The following CCDC144A variants were observed in gnomAD, a reference collection of about 807,000 sequenced individuals.
CCDC144A encodes coiled-coil domain containing 144A, also known as coiled-coil domain-containing protein 144A.
CCDC144A carries 41 observed loss-of-function variants against 143.8 expected under a neutral mutation model. The ratio of observed to expected loss-of-function variants is 0.29; its 90% CI spans 0.22 to 0.37. CCDC144A has a LOEUF of 0.37. Ranked by LOEUF, CCDC144A falls within the 10% of genes least tolerant of loss-of-function variation. CCDC144A has a pLI of 1.00. For missense variants in CCDC144A, 637 were observed against 1,488.8 expected (o/e 0.43, Z 9.41); for synonymous variants, 242 against 517.9 (o/e 0.47, Z 7.23).
chr17:16,679,402 A>G, the CCDC144A span, among the ~76,000 whole-genome samples: 1 of 152,088 alleles, frequency 6.6e-6, no homozygotes, highest in African/African-American at 2.4e-5. Context: ...ACAATTGTAT[A>G]TGTTATAAAG....
chr17:16,724,787 A>AT lies in CCDC144A; in HGVS notation c.1892-2704dup, dbSNP rs760344292. Among the ~76,000 whole-genome samples the AT allele has an allele frequency of 5.1e-4, 18 of 35,108 alleles. 2 individuals are homozygous for AT. The highest frequency in any genetic ancestry group is 2.9e-3 in the East Asian group (3 of 1,042). The allele number at this position is 35,108 out of a possible 152,430, so 23.0% of individuals were successfully genotyped here. ...AGATTACACGTTCTTGATTAACTGA[A>AT]TTTTTTTTTTTTTTTTTTTTTTTTT... On this transcript the variant is annotated intron_variant, in intron 8 of 16. Transcript: ENST00000399273.
At chr17:16,762,233 T>A (rs1915406748) in intron 13 of CCDC144A, 80 bp from the exon 14 acceptor site, 1 of 1,524,074 alleles carries the variant, frequency 6.6e-7, no homozygotes. Context: ...AGTCACTGAC[T>A]CCAAACAAAA....
intron 15 of CCDC144A, among the ~76,000 whole-genome samples, chr17:16,769,518 T>C (rs1306693197): frequency 6.6e-6 from 1 of 152,232 alleles, no homozygotes; most frequent in African/African-American, 2.4e-5. Flanking sequence ...CATGGATAAT[T>C]GACTTGATTG....
At chr17:16,685,429 GAGT>G (rs1385179696), upstream of CCDC144A, among the ~76,000 whole-genome samples, 2 of 152,070 alleles carry the variant, frequency 1.3e-5, no homozygotes, top group Non-Finnish European at 2.9e-5. Flanking sequence ...ACCCAGACTG[GAGT>G]GCAAATGGCG....
At chr17:16,673,866 A>G in the CCDC144A span, among the ~76,000 whole-genome samples, 1 of 152,128 alleles carries the variant, frequency 6.6e-6, no homozygotes, top group Non-Finnish European at 1.5e-5. Flanking sequence ...TTAAACAGAA[A>G]TGTATCTAAC....
Position 16,755,009 on chromosome 17 carries a change from T to C in CCDC144A, c.3373-6416T>C, listed in dbSNP as rs557997939. Among the ~76,000 whole-genome samples the C allele has an allele frequency of 9.2e-5, 14 of 152,292 alleles. No homozygotes were observed. The East Asian group carries it at 2.7e-3, about 29-fold the overall frequency. On this transcript the variant is annotated intron_variant, in intron 12 of 16. Transcript: ENST00000399273. Reference sequence around the variant, plus strand: ...TCTCTTTCTCTTTTATTTTATTTTATTTTTTTTACTTAAGATCTATTTTGT... The same window carrying C: ...TCTCTTTCTCTTTTATTTTATTTTACTTTTTTTACTTAAGATCTATTTTGT...
intron 2 of CCDC144A, among the ~76,000 whole-genome samples, chr17:16,699,425 G>A (rs1911594271): frequency 6.9e-6 from 1 of 143,930 alleles, no homozygotes; most frequent in Non-Finnish European, 1.5e-5. Context: ...ACCCAGGCGG[G>A]ACTGCAGTGG....
At chr17:16,675,517 A>G in the CCDC144A span, among the ~76,000 whole-genome samples, 2 of 151,864 alleles carry the variant, frequency 1.3e-5, no homozygotes, top group Non-Finnish European at 2.9e-5. Flanking sequence ...TAACACAACT[A>G]ATATAACATA....
chr17:16,672,825 TTGTC>T, the CCDC144A span, among the ~76,000 whole-genome samples: 1 of 152,098 alleles, frequency 6.6e-6, no homozygotes, highest in Admixed American at 6.6e-5. Context: ...ACGTCTATCT[TTGTC>T]TATCACCATT....
At chr17:16,710,603 T>C (rs1307164357) in intron 5 of CCDC144A, among the ~76,000 whole-genome samples, 1 of 152,040 alleles carries the variant, frequency 6.6e-6, no homozygotes, top group Non-Finnish European at 1.5e-5. Context: ...CAGACCTTTA[T>C]GTTATGTTGC....
chr17:16,703,929 C>A (rs1911891793), intron 2 of CCDC144A, among the ~76,000 whole-genome samples: 1 of 152,162 alleles, frequency 6.6e-6, no homozygotes, highest in African/African-American at 2.4e-5. Flanking sequence ...TGAAAAGCTC[C>A]ACTGTACACG....
At chr17:16,741,226 G>A (rs540272002) in intron 12 of CCDC144A, among the ~76,000 whole-genome samples, 1 of 152,356 alleles carries the variant, frequency 6.6e-6, no homozygotes, top group South Asian at 2.1e-4. Context: ...TCACCAATCT[G>A]TGGCTTGGGA....
At chr17:16,765,875 A>C (rs1418677739) in intron 15 of CCDC144A, 1 of 152,382 alleles carries the variant, frequency 6.6e-6, no homozygotes, top group African/African-American at 2.4e-5. Flanking sequence ...TACGTCTGTA[A>C]ATGGTTAAGC....
chr17:16,724,200 A>G (rs1409513952), intron 8 of CCDC144A, among the ~76,000 whole-genome samples: 1 of 152,198 alleles, frequency 6.6e-6, no homozygotes, highest in African/African-American at 2.4e-5. Context: ...GTCAGGGAAC[A>G]TACTTTGTAT....
chr17:16,680,503 A>G, the CCDC144A span, among the ~76,000 whole-genome samples: 1 of 151,644 alleles, frequency 6.6e-6, no homozygotes, highest in Admixed American at 6.6e-5. Context: ...AGTCTTGTTA[A>G]CACCACTGCA....
intron 12 of CCDC144A, among the ~76,000 whole-genome samples, chr17:16,750,975 T>C (rs1255944366): frequency 6.6e-6 from 1 of 152,210 alleles, no homozygotes; most frequent in Admixed American, 6.5e-5. Flanking sequence ...TTTAATCTCA[T>C]TGAGCTTTGT....
At chr17:16,703,029 A>C (rs1911822698) in intron 2 of CCDC144A, among the ~76,000 whole-genome samples, 1 of 152,228 alleles carries the variant, frequency 6.6e-6, no homozygotes, top group Non-Finnish European at 1.5e-5. Context: ...AAAATGAAGA[A>C]AGCAATTAAT....
chr17:16,683,469 G>T, the CCDC144A span: 874 of 1,349,588 alleles, frequency 6.5e-4, 9 homozygotes, highest in African/African-American at 0.012. Flanking sequence ...CGGCAGAGTC[G>T]CCTTGGCCGC....
At chr17:16,742,849 T>G (rs1157464312) in intron 12 of CCDC144A, among the ~76,000 whole-genome samples, 1 of 152,172 alleles carries the variant, frequency 6.6e-6, no homozygotes, top group Non-Finnish European at 1.5e-5. Flanking sequence ...TTTGTGGACA[T>G]TCGTATGTCT....
Sources: allele counts gnomAD v4.1 joint callset (sites outside exome capture counted in the v4.1 genomes callset), GRCh38; gene constraint gnomAD v4.1.1; transcripts MANE v1.5; gene names NCBI Gene and HGNC (gene_info 2026-07-23, HGNC 2026-07-21).